The following BRD10 variants were observed in gnomAD, a reference collection of about 807,000 sequenced individuals.
BRD10 encodes the protein bromodomain containing 10.
At chr9:5,991,422 C>G in the BRD10 span, among the ~76,000 whole-genome samples, 3 of 151,996 alleles carry the variant, frequency 2.0e-5, no homozygotes, top group African/African-American at 7.3e-5. Flanking sequence ...CCAGGTAATC[C>G]TTTTAAAAAG....
chr9:5,924,479 G>A, the BRD10 span, among the ~76,000 whole-genome samples: 14 of 151,952 alleles, frequency 9.2e-5, no homozygotes, highest in African/African-American at 2.9e-4. Context: ...ATGGGGTCTC[G>A]CTATGTTGCC....
chr9:5,990,486 C>A, the BRD10 span, among the ~76,000 whole-genome samples: 1 of 152,072 alleles, frequency 6.6e-6, no homozygotes, highest in African/African-American at 2.4e-5. Context: ...TAAATTGTTA[C>A]ATAAGGTCAG....
the BRD10 span, among the ~76,000 whole-genome samples, chr9:5,884,857 C>A: frequency 1.3e-5 from 2 of 152,226 alleles, no homozygotes; most frequent in East Asian, 3.8e-4. Context: ...CTCTGCTCAC[C>A]TGCGAGACTT....
chr9:5,969,544 T>G, the BRD10 span: 1 of 698,888 alleles, frequency 1.4e-6, no homozygotes, highest in Non-Finnish European at 2.3e-6. Context: ...TGTCCTAGTT[T>G]TATTTATTTA....
the BRD10 span, chr9:5,906,864 C>A: frequency 2.7e-6 from 4 of 1,485,048 alleles, no homozygotes; most frequent in Non-Finnish European, 2.7e-6. Flanking sequence ...ACCCACTCAC[C>A]TTTATCAATT....
chr9:5,888,864 T>C, the BRD10 span, among the ~76,000 whole-genome samples: 1 of 152,236 alleles, frequency 6.6e-6, no homozygotes, highest in South Asian at 2.1e-4. Flanking sequence ...TTTGAAATGT[T>C]GTCTTATCTT....
chr9:5,888,460 T>A, the BRD10 span, among the ~76,000 whole-genome samples: 4 of 152,270 alleles, frequency 2.6e-5, no homozygotes, highest in African/African-American at 9.6e-5. Flanking sequence ...TGTTGTATGT[T>A]TATTTTAGAC....
chr9:5,889,394 G>C, the BRD10 span, among the ~76,000 whole-genome samples: 4 of 152,136 alleles, frequency 2.6e-5, no homozygotes, highest in Admixed American at 6.5e-5. Context: ...AGAGTTCATC[G>C]AATCTTGAAG....
the BRD10 span, among the ~76,000 whole-genome samples, chr9:5,991,479 C>T: frequency 5.3e-5 from 8 of 152,186 alleles, no homozygotes; most frequent in African/African-American, 1.9e-4. Context: ...TCCCAACACA[C>T]TGGGAGGCCA....
At chr9:5,903,203 T>C in the BRD10 span, among the ~76,000 whole-genome samples, 1 of 152,234 alleles carries the variant, frequency 6.6e-6, no homozygotes, top group Non-Finnish European at 1.5e-5. Context: ...GTATAATTTC[T>C]ATTCTTTTAA....
chr9:6,008,306 G>A, the BRD10 span: 1 of 985,006 alleles, frequency 1.0e-6, no homozygotes, highest in Admixed American at 6.1e-5. Context: ...GCAGAAGGAG[G>A]CGGTGCACGG....
At chr9:5,986,800 T>A in the BRD10 span, among the ~76,000 whole-genome samples, 7 of 152,214 alleles carry the variant, frequency 4.6e-5, no homozygotes, top group Admixed American at 3.3e-4. Context: ...AGGGCACACA[T>A]AGATTGATTC....
chr9:5,967,702 A>AAC, the BRD10 span, among the ~76,000 whole-genome samples: 1 of 150,816 alleles, frequency 6.6e-6, no homozygotes, highest in South Asian at 2.1e-4. Flanking sequence ...CTGAAAAAAA[A>AAC]AAAAAAAAAC....
the BRD10 span, among the ~76,000 whole-genome samples, chr9:5,933,323 G>A: frequency 1.3e-5 from 2 of 152,164 alleles, no homozygotes; most frequent in African/African-American, 4.8e-5. Flanking sequence ...AATATTTACT[G>A]AAGGTCACTT....
the BRD10 span, among the ~76,000 whole-genome samples, chr9:5,917,464 G>C: frequency 1.3e-5 from 2 of 152,194 alleles, no homozygotes; most frequent in East Asian, 1.9e-4. Context: ...ACTTTAAGTG[G>C]GGACTTCAGT....
the BRD10 span, among the ~76,000 whole-genome samples, chr9:5,893,206 G>GT: frequency 2.0e-5 from 3 of 152,202 alleles, no homozygotes; most frequent in Non-Finnish European, 4.4e-5. Context: ...TTCAGCAAAT[G>GT]TAAGTGCGGT....
chr9:5,980,181 C>T, the BRD10 span, among the ~76,000 whole-genome samples: 1 of 152,090 alleles, frequency 6.6e-6, no homozygotes, highest in Non-Finnish European at 1.5e-5. Context: ...AAGACTATTT[C>T]AGCAATAAAT....
the BRD10 span, among the ~76,000 whole-genome samples, chr9:5,989,208 G>A: frequency 7.1e-6 from 1 of 141,668 alleles, no homozygotes; most frequent in Non-Finnish European, 1.5e-5. Flanking sequence ...CTCCAGCCTG[G>A]GCAACAAGAG....
chr9:5,921,581 T>C, the BRD10 span: 11 of 1,613,806 alleles, frequency 6.8e-6, no homozygotes, highest in South Asian at 1.2e-4. Flanking sequence ...CAGCATAAGT[T>C]TCTGAACTGG....
Sources: allele counts gnomAD v4.1 joint callset (sites outside exome capture counted in the v4.1 genomes callset), GRCh38; gene constraint gnomAD v4.1.1; transcripts MANE v1.5; gene names NCBI Gene and HGNC (gene_info 2026-07-23, HGNC 2026-07-21).